Variants in INPP4A observed in about 807,000 individuals in gnomAD.
INPP4A encodes the protein inositol polyphosphate-4-phosphatase, type I, 107kD.
INPP4A carries 33 observed loss-of-function variants against 119.8 expected under a neutral mutation model. That is an observed-to-expected ratio of 0.28 (90% CI 0.21 to 0.37). INPP4A has a LOEUF of 0.37. Among genes scored for constraint, INPP4A ranks in the 10% least tolerant of loss-of-function variants. The pLI, the probability that INPP4A is intolerant of heterozygous loss-of-function variation, is 1.00. For synonymous variants in INPP4A, 496 were observed against 500.7 expected (o/e 0.99, Z 0.12); for missense variants, 956 against 1,289.9 (o/e 0.74, Z 3.97).
At chr2:98,536,596 A>G (rs186027902) in intron 7 of INPP4A, among the ~76,000 whole-genome samples, 4 of 152,240 alleles carry the variant, frequency 2.6e-5, no homozygotes, top group Admixed American at 2.6e-4. Context: ...CTCAATAAAT[A>G]TTTATGGAAG....
chr2:98,555,732 C>A lies in INPP4A; in HGVS notation c.1746C>A (p.Asp582Glu). 1.2e-6 allele frequency: 2 copies of A among 1,606,260 alleles called. No homozygotes were observed. Among genetic ancestry groups the A allele is most frequent in the Non-Finnish European group, 1.7e-6 (2 of 1,176,018 alleles). Residue 582 changes from aspartate to glutamate, a missense_variant, in exon 16 of 25, where the codon GAC becomes GAA. Around this residue, in one of 2 missense-constraint regions of INPP4A, gnomAD observed 652 missense variants for 797.9 expected, o/e 0.82. Coordinates refer to ENST00000409851, the MANE Select transcript of INPP4A (RefSeq NM_001134225.2). ...DSHAYWIRPE[D>E]PFCDVPSSPC... is the part of the protein sequence containing the mutation. Reference sequence around the variant, plus strand: ...ACGCCTACTGGATCAGACCAGAAGACCCCTTCTGTGATGTCCCCTCCTCAC... The same window carrying A: ...ACGCCTACTGGATCAGACCAGAAGAACCCTTCTGTGATGTCCCCTCCTCAC...
At chr2:98,555,940 G>A (rs1002179526) in intron 16 of INPP4A, 132 bp downstream of exon 16, 11 of 1,085,324 alleles carry the variant, frequency 1.0e-5, no homozygotes, top group Non-Finnish European at 1.4e-5. Flanking sequence ...TGGAGCGGGG[G>A]CGTCCCAGTG....
intron 21 of INPP4A, among the ~76,000 whole-genome samples, chr2:98,568,356 A>G (rs1032930061): frequency 2.0e-5 from 3 of 152,202 alleles, no homozygotes; most frequent in Non-Finnish European, 4.4e-5. Flanking sequence ...CACGCCTGTA[A>G]CAGTGATACA....
At chr2:98,578,464 C>T (rs1322654126) in intron 24 of INPP4A, among the ~76,000 whole-genome samples, 2 of 152,200 alleles carry the variant, frequency 1.3e-5, no homozygotes, top group Non-Finnish European at 2.9e-5. Context: ...ACAGTCCATG[C>T]GGAAACCTCT....
rs982493424 is a variant in INPP4A at position 98,520,004 on chromosome 2, G to A, written c.-45G>A. On this transcript the variant is annotated 5_prime_UTR_variant, in exon 3 of 25. It adds an upstream start codon to the 5' untranslated region. Coordinates refer to ENST00000409851, the MANE Select transcript of INPP4A (RefSeq NM_001134225.2). ...GCCAGCACTTCCCGGGTAATCAGGC[G>A]TGGTCTGACCGAGGATCAAGAAGCA... The A allele has an allele frequency of 6.1e-6, 9 of 1,485,880 alleles. No individual in the cohort carries two copies. Among genetic ancestry groups the A allele is most frequent in the South Asian group, 2.4e-5 (2 of 82,772 alleles). 92.0% of individuals were successfully genotyped at this position (1,485,880 alleles called of 1,614,324 possible). A position where few individuals can be genotyped will look rare whatever the true frequency, so the allele number is the denominator to read the frequency against.
At chr2:98,552,550 C>T (rs549556665) in intron 13 of INPP4A, 7 of 650,368 alleles carry the variant, frequency 1.1e-5, no homozygotes, top group African/African-American at 1.1e-4. Flanking sequence ...AATACAGATA[C>T]ATGCAAATAC....
intron 4 of INPP4A, among the ~76,000 whole-genome samples, chr2:98,523,688 C>T (rs1471773634): frequency 2.6e-5 from 4 of 152,192 alleles, no homozygotes; most frequent in Non-Finnish European, 5.9e-5. Flanking sequence ...GCCACCGCGC[C>T]TGGCCACCCC....
intron 1 of INPP4A, among the ~76,000 whole-genome samples, chr2:98,471,366 A>G (rs1397926023): frequency 6.6e-6 from 1 of 152,216 alleles, no homozygotes; most frequent in Non-Finnish European, 1.5e-5. Context: ...TGTACTTGGC[A>G]ATCTCGCAAA....
At chr2:98,528,613 C>T (rs767872235) in intron 4 of INPP4A, among the ~76,000 whole-genome samples, 5 of 152,154 alleles carry the variant, frequency 3.3e-5, no homozygotes, top group Non-Finnish European at 1.5e-5. Context: ...ACATCATACT[C>T]AAATCATTGA....
intron 18 of INPP4A, among the ~76,000 whole-genome samples, chr2:98,563,936 T>G (rs1559083765): frequency 6.7e-6 from 1 of 149,074 alleles, no homozygotes; most frequent in African/African-American, 2.5e-5. Flanking sequence ...TTGCTGCGTT[T>G]TTTTTTTTTT....
intron 1 of INPP4A, among the ~76,000 whole-genome samples, chr2:98,508,002 G>A (rs1332034450): frequency 6.6e-6 from 1 of 152,220 alleles, no homozygotes; most frequent in African/African-American, 2.4e-5. Flanking sequence ...AGGGCATGGG[G>A]TGAATGCAAA....
chr2:98,472,490 CA>C (rs1195441404), intron 1 of INPP4A, among the ~76,000 whole-genome samples: 1 of 152,228 alleles, frequency 6.6e-6, no homozygotes, highest in African/African-American at 2.4e-5. Context: ...GGCAAGTGTC[CA>C]AGGAACCAGG....
intron 23 of INPP4A, among the ~76,000 whole-genome samples, chr2:98,576,156 G>A (rs1559109887): frequency 6.6e-6 from 1 of 152,222 alleles, no homozygotes; most frequent in Non-Finnish European, 1.5e-5. Flanking sequence ...GTCTGGTTGT[G>A]CTGCCAAATG....
chr2:98,532,751 A>G (rs1208858425), intron 4 of INPP4A, among the ~76,000 whole-genome samples: 2 of 152,222 alleles, frequency 1.3e-5, no homozygotes, highest in South Asian at 2.1e-4. Flanking sequence ...TAGGATGGCT[A>G]TGACATCCCT....
intron 11 of INPP4A, among the ~76,000 whole-genome samples, chr2:98,544,805 C>T (rs1481677287): frequency 6.6e-6 from 1 of 152,208 alleles, no homozygotes; most frequent in African/African-American, 2.4e-5. Context: ...CATCCATAAA[C>T]TTGAATGAGA....
chr2:98,535,595 C>T (rs1386350777), intron 5 of INPP4A, 134 bp from the exon 6 acceptor site: 16 of 593,224 alleles, frequency 2.7e-5, no homozygotes, highest in South Asian at 6.3e-5. Flanking sequence ...TTATTTAAGC[C>T]GCCTTTAGCA....
chr2:98,564,561 TG>T, intron 18 of INPP4A, 78 bp from the exon 19 acceptor site: 3 of 1,555,850 alleles, frequency 1.9e-6, no homozygotes, highest in East Asian at 2.3e-5. Context: ...AAGGGGGCGG[TG>T]GGGGGCTGGG....
chr2:98,565,531 C>T, intron 19 of INPP4A, 109 bp from the exon 20 acceptor site: 2 of 1,250,830 alleles, frequency 1.6e-6, no homozygotes, highest in South Asian at 3.4e-5. Context: ...CAGAGCCACA[C>T]CTGCACCCCT....
intron 14 of INPP4A, among the ~76,000 whole-genome samples, chr2:98,553,990 C>T (rs921486337): frequency 6.6e-6 from 1 of 152,246 alleles, no homozygotes; most frequent in Non-Finnish European, 1.5e-5. Context: ...CTAGCAATCA[C>T]AGGTCAGAGG....
Sources: allele counts gnomAD v4.1 joint callset (sites outside exome capture counted in the v4.1 genomes callset), GRCh38; gene constraint gnomAD v4.1.1; regional missense constraint gnomAD v4.1.1; transcripts MANE v1.5; gene names NCBI Gene and HGNC (gene_info 2026-07-23, HGNC 2026-07-21).